JAKMIP2: variants seen among roughly 807,000 people sequenced by gnomAD.
JAKMIP2 encodes the protein janus kinase and microtubule interacting protein 2, also known as janus kinase and microtubule-interacting protein 2.
JAKMIP2 carries 25 observed loss-of-function variants against 115.0 expected under a neutral mutation model. That is an observed-to-expected ratio of 0.22 (90% CI 0.16 to 0.30). The LOEUF (loss-of-function observed/expected upper bound fraction) is 0.30. JAKMIP2 is among the 10% of genes least tolerant of loss of function. The pLI is 1.00. For synonymous variants in JAKMIP2, 334 were observed against 343.6 expected (o/e 0.97, Z 0.31); for missense variants, 642 against 957.6 (o/e 0.67, Z 4.35).
intron 13 of JAKMIP2, among the ~76,000 whole-genome samples, chr5:147,632,266 T>C (rs1434729634): frequency 3.3e-5 from 5 of 152,216 alleles, no homozygotes; most frequent in Non-Finnish European, 7.3e-5. Flanking sequence ...ATATTTTTTA[T>C]ATAGCACATT....
At chr5:147,604,550 C>T (rs868579990) in intron 20 of JAKMIP2, among the ~76,000 whole-genome samples, 1 of 152,106 alleles carries the variant, frequency 6.6e-6, no homozygotes, top group Non-Finnish European at 1.5e-5. Context: ...TTTAACCTCA[C>T]ATATATGGAT....
chr5:147,732,703 T>TGTAA (rs1337267159), intron 1 of JAKMIP2, among the ~76,000 whole-genome samples: 9 of 152,302 alleles, frequency 5.9e-5, no homozygotes, highest in African/African-American at 1.9e-4. Flanking sequence ...AACCCCACAA[T>TGTAA]GTAAGTGCTT....
At position 147,589,684 on chromosome 5, in the gene JAKMIP2, T is replaced by C. The variant is rs1561832778; in HGVS notation, c.*2023A>G. 6.6e-6 allele frequency: 1 copy of C among 152,316 alleles called. No homozygotes were observed. Among genetic ancestry groups the C allele is most frequent in the East Asian group, 1.9e-4 (1 of 5,168 alleles). 9.4% of individuals were successfully genotyped at this position (152,316 alleles called of 1,614,324 possible). ...GATGCTTATCATAGAAATGACACAC[T>C]CTTCTATCTTGTTCAATAGCATGAG... On this transcript the variant is annotated 3_prime_UTR_variant, in exon 22 of 22. Coordinates refer to ENST00000616793, the MANE Select transcript of JAKMIP2 (RefSeq NM_001270941.2).
At chr5:147,630,202 T>C (rs1344860231) in intron 14 of JAKMIP2, among the ~76,000 whole-genome samples, 1 of 152,176 alleles carries the variant, frequency 6.6e-6, no homozygotes, top group Non-Finnish European at 1.5e-5. Flanking sequence ...CTGACCTGAT[T>C]GAATTTTGAC....
intron 1 of JAKMIP2, among the ~76,000 whole-genome samples, chr5:147,703,391 A>T (rs1752447748): frequency 2.0e-5 from 3 of 152,106 alleles, no homozygotes; most frequent in Admixed American, 1.3e-4. Flanking sequence ...CAAGATGAAA[A>T]TAAATGGTAC....
chr5:147,765,408 C>G (rs1413689109), intron 1 of JAKMIP2, among the ~76,000 whole-genome samples: 1 of 152,124 alleles, frequency 6.6e-6, no homozygotes, highest in Non-Finnish European at 1.5e-5. Context: ...AGTATCATTA[C>G]AGTTTTAATC....
chr5:147,651,832 T>C (rs1249496467), intron 3 of JAKMIP2, among the ~76,000 whole-genome samples: 2 of 152,210 alleles, frequency 1.3e-5, no homozygotes, highest in Non-Finnish European at 2.9e-5. Flanking sequence ...ATAATAGCAT[T>C]GTCTTTGGTT....
chr5:147,747,194 C>T (rs1561573829), intron 1 of JAKMIP2, among the ~76,000 whole-genome samples: 1 of 152,078 alleles, frequency 6.6e-6, no homozygotes, highest in Non-Finnish European at 1.5e-5. Flanking sequence ...CCAGAGAAGG[C>T]TGACCAGTAC....
intron 4 of JAKMIP2, among the ~76,000 whole-genome samples, chr5:147,650,078 T>G (rs981355909): frequency 6.6e-6 from 1 of 152,166 alleles, no homozygotes; most frequent in Non-Finnish European, 1.5e-5. Context: ...GACTTAAGTT[T>G]GGATAGGTAT....
At chr5:147,617,693 A>T (rs2126644378) in intron 19 of JAKMIP2, among the ~76,000 whole-genome samples, 1 of 152,374 alleles carries the variant, frequency 6.6e-6, no homozygotes, top group Non-Finnish European at 1.5e-5. Flanking sequence ...AGCAGTATTC[A>T]GTCCTTCTGA....
intron 1 of JAKMIP2, among the ~76,000 whole-genome samples, chr5:147,727,631 C>A (rs970912088): frequency 6.6e-6 from 1 of 152,132 alleles, no homozygotes; most frequent in African/African-American, 2.4e-5. Context: ...GATTAAAATT[C>A]AAGATGAGAA....
intron 1 of JAKMIP2, among the ~76,000 whole-genome samples, chr5:147,771,577 C>T (rs1169475837): frequency 6.6e-6 from 1 of 151,756 alleles, no homozygotes; most frequent in African/African-American, 2.4e-5. Context: ...TGAAAGATAC[C>T]TGTTGAGAAG....
At position 147,755,389 on chromosome 5, in the gene JAKMIP2, T is replaced by C. The variant is rs147992400; in HGVS notation, c.-149+27067A>G. On this transcript the variant is annotated intron_variant, in intron 1 of 21. Coordinates refer to ENST00000616793, the MANE Select transcript of JAKMIP2 (RefSeq NM_001270941.2). ...GAATAAAACCAAGCCGTACCCCAAC[T>C]ACTTTGGGCGCACTTCATCAGGACC... is the stretch of plus-strand genomic sequence containing the variant. Among the ~76,000 whole-genome samples the C allele has an allele frequency of 4.3e-3, 655 of 152,224 alleles. 4 individuals carry two copies. The highest frequency in any genetic ancestry group is 0.015 in the African/African-American group (616 of 41,546).
intron 1 of JAKMIP2, among the ~76,000 whole-genome samples, chr5:147,684,561 G>A (rs1183009397): frequency 6.6e-6 from 1 of 152,134 alleles, no homozygotes; most frequent in Non-Finnish European, 1.5e-5. Context: ...ATAAGTGTGA[G>A]GAATAAATTG....
intron 1 of JAKMIP2, among the ~76,000 whole-genome samples, chr5:147,745,903 G>C (rs923147214): frequency 6.6e-6 from 1 of 152,124 alleles, no homozygotes; most frequent in Non-Finnish European, 1.5e-5. Context: ...GAAGATAAGT[G>C]TATTTATATA....
At chr5:147,781,409 C>T (rs1755752624) in intron 1 of JAKMIP2, among the ~76,000 whole-genome samples, 1 of 152,150 alleles carries the variant, frequency 6.6e-6, no homozygotes, top group Non-Finnish European at 1.5e-5. Flanking sequence ...AAGGCACAAA[C>T]ATGAAAAGGT....
chr5:147,701,823 A>G (rs1752336708), intron 1 of JAKMIP2, among the ~76,000 whole-genome samples: 1 of 152,154 alleles, frequency 6.6e-6, no homozygotes, highest in African/African-American at 2.4e-5. Context: ...TTGATCCTGG[A>G]CTTATCAGCC....
chr5:147,732,019 A>C (rs1255310353), intron 1 of JAKMIP2, among the ~76,000 whole-genome samples: 4 of 152,214 alleles, frequency 2.6e-5, no homozygotes, highest in Non-Finnish European at 4.4e-5. Flanking sequence ...ACTACAGAAA[A>C]TCTTGGAACA....
chr5:147,626,624 T>G (rs1757109503), intron 16 of JAKMIP2, among the ~76,000 whole-genome samples: 1 of 152,202 alleles, frequency 6.6e-6, no homozygotes, highest in African/African-American at 2.4e-5. Flanking sequence ...AGTGCCTATC[T>G]CAAAAGGAGC....
Sources: gnomAD v4.1 joint callset for allele counts (sites outside exome capture counted in the v4.1 genomes callset) on GRCh38, gnomAD v4.1.1 for gene constraint, MANE v1.5 for transcripts, NCBI Gene and HGNC (gene_info 2026-07-23, HGNC 2026-07-21) for gene names.